The following TMEM132C variants were observed in gnomAD, a reference collection of about 807,000 sequenced individuals.
The protein encoded by TMEM132C is protein phosphatase 1, regulatory subunit 152.
A neutral mutation model predicts 61.4 loss-of-function variants in TMEM132C; 29 were observed. The ratio of observed to expected loss-of-function variants is 0.47; its 90% CI spans 0.35 to 0.64. The LOEUF is 0.64. Among genes scored for constraint, TMEM132C ranks in the 30% least tolerant of loss-of-function variants. The pLI is 0.00. For synonymous variants in TMEM132C, 656 were observed against 633.1 expected (o/e 1.04, Z -0.54); for missense variants, 1,408 against 1,476.9 (o/e 0.95, Z 0.76).
intron 1 of TMEM132C, among the ~76,000 whole-genome samples, chr12:128,354,473 C>G (rs927048105): frequency 2.0e-5 from 3 of 146,662 alleles, no homozygotes; most frequent in Admixed American, 1.4e-4. Flanking sequence ...TTCTTCCTTC[C>G]TTCCTTTTCT....
intron 1 of TMEM132C, among the ~76,000 whole-genome samples, chr12:128,379,248 T>A (rs1466814871): frequency 2.0e-5 from 3 of 152,144 alleles, no homozygotes; most frequent in African/African-American, 7.2e-5. Flanking sequence ...CATGGTAGGT[T>A]GTTGGTGAGA....
chr12:128,513,542 G>C (rs893642886), intron 2 of TMEM132C, among the ~76,000 whole-genome samples: 3 of 152,116 alleles, frequency 2.0e-5, no homozygotes, highest in African/African-American at 7.2e-5. Context: ...CATCTTGGAC[G>C]ATCTTTTACT....
intron 1 of TMEM132C, among the ~76,000 whole-genome samples, chr12:128,364,157 C>T (rs1477590075): frequency 6.6e-6 from 1 of 152,126 alleles, no homozygotes; most frequent in Non-Finnish European, 1.5e-5. Flanking sequence ...TGACCCATAA[C>T]CACATTTAGG....
chr12:128,705,974 G>A lies in TMEM132C; in HGVS notation c.3006G>A (p.Pro1002=), dbSNP rs551480348. 3.1e-5 allele frequency: 48 copies of A among 1,551,088 alleles called. No homozygotes were observed. In the East Asian group the frequency reaches 7.3e-4, roughly 24 times the overall value. The change falls in exon 9 of 9, where the codon CCG becomes CCA. Residue 1002 remains proline (P), a synonymous_variant. Coordinates refer to ENST00000435159, the MANE Select transcript of TMEM132C (RefSeq NM_001136103.3). Reference sequence around the variant, plus strand: ...ACACCACCATCATAGACCGCGGACCGGGGGCCTGCGAGGAGAGCAACCATC... The same window carrying A: ...ACACCACCATCATAGACCGCGGACCAGGGGCCTGCGAGGAGAGCAACCATC... ...DEHTTIIDRG[P]GACEESNHLL...
At chr12:128,507,707 T>C (rs963090627) in intron 2 of TMEM132C, among the ~76,000 whole-genome samples, 4 of 152,162 alleles carry the variant, frequency 2.6e-5, no homozygotes, top group Admixed American at 2.6e-4. Context: ...GTGAAACCAC[T>C]CTTCACTGAC....
intron 4 of TMEM132C, among the ~76,000 whole-genome samples, chr12:128,650,459 C>T (rs937800428): frequency 6.6e-6 from 1 of 152,054 alleles, no homozygotes; most frequent in African/African-American, 2.4e-5. Flanking sequence ...CATGGTGGCT[C>T]ACATCTGTAA....
chr12:128,306,437 C>T (rs10773524), intron 1 of TMEM132C, among the ~76,000 whole-genome samples: 80,299 of 151,758 alleles, frequency 0.53, 21,993 homozygotes, highest in Middle Eastern at 0.63. Flanking sequence ...CTCCTGACCT[C>T]GTGATCTGCC....
chr12:128,620,620 AG>A (rs1268890997), intron 4 of TMEM132C, among the ~76,000 whole-genome samples: 2 of 152,238 alleles, frequency 1.3e-5, no homozygotes, highest in African/African-American at 4.8e-5. Context: ...TTGGCGGTGT[AG>A]GAAGAAGTTC....
intron 4 of TMEM132C, among the ~76,000 whole-genome samples, chr12:128,647,882 G>C (rs1326345412): frequency 6.7e-6 from 1 of 149,388 alleles, no homozygotes; most frequent in Non-Finnish European, 1.5e-5. Flanking sequence ...GTTTACTGGA[G>C]TCCATTAGCG....
chr12:128,547,098 A>C (rs568592666), intron 3 of TMEM132C, among the ~76,000 whole-genome samples: 2 of 152,292 alleles, frequency 1.3e-5, no homozygotes, highest in African/African-American at 4.8e-5. Context: ...GATCTTTCTT[A>C]TGTATAGCAC....
At chr12:128,339,104 G>C (rs1872875861) in intron 1 of TMEM132C, among the ~76,000 whole-genome samples, 1 of 152,014 alleles carries the variant, frequency 6.6e-6, no homozygotes, top group African/African-American at 2.4e-5. Context: ...CTGATTTTCT[G>C]AGCCTTGTTA....
At chr12:128,564,666 T>G (rs954606263) in intron 3 of TMEM132C, among the ~76,000 whole-genome samples, 1 of 152,210 alleles carries the variant, frequency 6.6e-6, no homozygotes, top group African/African-American at 2.4e-5. Flanking sequence ...CACTTACATC[T>G]CGTACAACTC....
intron 2 of TMEM132C, among the ~76,000 whole-genome samples, chr12:128,471,579 C>A (rs974122734): frequency 2.6e-5 from 4 of 152,224 alleles, no homozygotes; most frequent in African/African-American, 4.8e-5. Flanking sequence ...AAATGGGAGG[C>A]AGCCTGTAAC....
In TMEM132C at chr12:128,281,906, C is replaced by T. The variant is rs147729962; in HGVS notation, c.85+14419C>T. Among the ~76,000 whole-genome samples, 23 of 152,314 alleles carry T rather than the reference C, an allele frequency of 1.5e-4. No individual in the cohort carries two copies. In the South Asian group the frequency reaches 1.9e-3, roughly 12 times the overall value. ...TTTCTTATCTCTAGGTACCCAGCCT[C>T]ATTATTTCATTTCTTCCATAAATAG... On this transcript the variant is annotated intron_variant, in intron 1 of 8. Coordinates refer to ENST00000435159, the MANE Select transcript of TMEM132C (RefSeq NM_001136103.3).
intron 4 of TMEM132C, among the ~76,000 whole-genome samples, chr12:128,621,017 C>T (rs561333592): frequency 1.3e-5 from 2 of 152,146 alleles, no homozygotes; most frequent in Admixed American, 1.3e-4. Context: ...GGATGAAGCA[C>T]GCCACTAGAA....
At chr12:128,680,129 C>T (rs1954622658) in intron 5 of TMEM132C, among the ~76,000 whole-genome samples, 1 of 152,188 alleles carries the variant, frequency 6.6e-6, no homozygotes, top group Non-Finnish European at 1.5e-5. Context: ...CGTCCAAGGC[C>T]TTGGAGTCTG....
chr12:128,686,967 T>C (rs1214687058), intron 5 of TMEM132C, among the ~76,000 whole-genome samples: 1 of 151,582 alleles, frequency 6.6e-6, no homozygotes, highest in African/African-American at 2.4e-5. Flanking sequence ...GAGGCCAAGG[T>C]GGGTGGATTA....
intron 5 of TMEM132C, among the ~76,000 whole-genome samples, chr12:128,673,870 T>C (rs546081084): frequency 6.6e-6 from 1 of 152,336 alleles, no homozygotes; most frequent in African/African-American, 2.4e-5. Context: ...AGCCAGCATA[T>C]AGTAAGGGCT....
At chr12:128,502,342 C>T (rs1872210527) in intron 2 of TMEM132C, among the ~76,000 whole-genome samples, 1 of 152,216 alleles carries the variant, frequency 6.6e-6, no homozygotes, top group Non-Finnish European at 1.5e-5. Context: ...GTGTGCAGTT[C>T]TCCATGGAGA....
Sources: gnomAD v4.1 joint callset for allele counts (sites outside exome capture counted in the v4.1 genomes callset) on GRCh38, gnomAD v4.1.1 for gene constraint, MANE v1.5 for transcripts, NCBI Gene and HGNC (gene_info 2026-07-23, HGNC 2026-07-21) for gene names.